The following OASL variants were observed in gnomAD, a reference collection of about 807,000 sequenced individuals.
OASL encodes 2'-5'-oligoadenylate synthase-like protein.
A neutral mutation model predicts 35.3 loss-of-function variants in OASL; 28 were observed. That is an observed-to-expected ratio of 0.79 (90% CI 0.59 to 1.09). OASL has a LOEUF of 1.09. Ranked by LOEUF, OASL falls within the 50% of genes least tolerant of loss-of-function variation. The pLI, the probability that OASL is intolerant of heterozygous loss-of-function variation, is 0.00. For missense variants in OASL, 620 were observed against 635.2 expected (o/e 0.98, Z 0.26); for synonymous variants, 252 against 254.6 (o/e 0.99, Z 0.10).
At chr12:121,033,531 G>T (rs1869827398) in exon 2 of OASL, 2 of 1,614,068 alleles carry the variant, frequency 1.2e-6, no homozygotes, top group Non-Finnish European at 8.5e-7. Flanking sequence ...GGATGGTGAA[G>T]ACGAGAGCAT....
At chr12:121,021,208 G>C in intron 5 of OASL, 150 bp from the exon 6 acceptor site, 1 of 727,508 alleles carries the variant, frequency 1.4e-6, no homozygotes, top group Non-Finnish European at 2.2e-6. Flanking sequence ...TTTCCAGGCT[G>C]TATGCTGAGC....
intron 5 of OASL, among the ~76,000 whole-genome samples, chr12:121,022,954 A>T (rs1232363555): frequency 3.9e-5 from 6 of 152,106 alleles, no homozygotes; most frequent in African/African-American, 1.4e-4. Flanking sequence ...CAATAATAGT[A>T]ATGATGATAA....
At chr12:121,032,995 G>A (rs1869801768) in intron 2 of OASL, among the ~76,000 whole-genome samples, 1 of 151,974 alleles carries the variant, frequency 6.6e-6, no homozygotes, top group Non-Finnish European at 1.5e-5. Flanking sequence ...GCGCGATCTT[G>A]ACTCACTGCA....
chr12:121,025,854 C>T (rs1869461671), intron 4 of OASL, among the ~76,000 whole-genome samples: 1 of 152,006 alleles, frequency 6.6e-6, no homozygotes, highest in Non-Finnish European at 1.5e-5. Context: ...TCTGTGTAAT[C>T]GAATGTGACA....
intron 1 of OASL, among the ~76,000 whole-genome samples, chr12:121,034,863 AC>A (rs1490689290): frequency 6.6e-6 from 1 of 152,172 alleles, no homozygotes; most frequent in Non-Finnish European, 1.5e-5. Context: ...GCTGACTTAG[AC>A]AATCTCTTCT....
chr12:121,037,702 G>A lies in OASL; in HGVS notation c.198+1072C>T, dbSNP rs188947694. On this transcript the variant is annotated intron_variant, in intron 1 of 5. Coordinates refer to ENST00000257570, the Ensembl canonical transcript of OASL. ...CAGGGGAATTGCTTGAACCTGGGAG[G>A]CAGAGGTTGCAGTGAGCTGAGATCG... Among the ~76,000 whole-genome samples, 254 of 151,980 alleles carry A rather than the reference G, an allele frequency of 1.7e-3. 2 individuals are homozygous for A. The highest frequency in any genetic ancestry group is 5.8e-3 in the African/African-American group (242 of 41,432).
At chr12:121,038,223 C>A (rs953734361) in intron 1 of OASL, among the ~76,000 whole-genome samples, 2 of 152,146 alleles carry the variant, frequency 1.3e-5, no homozygotes, top group African/African-American at 4.8e-5. Flanking sequence ...ATCTAAGCCA[C>A]GTTAAAGTAA....
At chr12:121,035,025 G>A (rs893820207) in intron 1 of OASL, among the ~76,000 whole-genome samples, 13 of 144,110 alleles carry the variant, frequency 9.0e-5, no homozygotes, top group African/African-American at 3.8e-4. Flanking sequence ...TTCTCATTCT[G>A]TGTTGGGAGG....
chr12:121,027,601 C>G, exon 4 of OASL: 1 of 1,614,200 alleles, frequency 6.2e-7, no homozygotes, highest in Non-Finnish European at 8.5e-7. Flanking sequence ...TGTTTTCTGA[C>G]ACAATCCTCA....
intron 4 of OASL, among the ~76,000 whole-genome samples, chr12:121,026,013 T>C (rs1471610797): frequency 2.0e-5 from 3 of 152,124 alleles, no homozygotes; most frequent in Non-Finnish European, 4.4e-5. Context: ...GGCTGGCAGG[T>C]GACCCAACAC....
chr12:121,024,542 C>T (rs1301786042), intron 4 of OASL, among the ~76,000 whole-genome samples: 1 of 152,012 alleles, frequency 6.6e-6, no homozygotes, highest in Non-Finnish European at 1.5e-5. Flanking sequence ...TGCTTGAACC[C>T]AGGAGGTGGA....
chr12:121,018,768 G>C (rs1869125481), downstream of OASL, among the ~76,000 whole-genome samples: 1 of 151,182 alleles, frequency 6.6e-6, no homozygotes. Context: ...TACTCGGGAG[G>C]CTGAGGCAGG....
At chr12:121,024,353 A>G (rs1377344170) in intron 4 of OASL, among the ~76,000 whole-genome samples, 1 of 152,206 alleles carries the variant, frequency 6.6e-6, no homozygotes, top group Non-Finnish European at 1.5e-5. Flanking sequence ...ACAGTGGCTC[A>G]CGCCTGTAAT....
chr12:121,027,842 A>T (rs779421765), intron 3 of OASL, 25 bp from the exon 4 acceptor site: 2 of 1,591,236 alleles, frequency 1.3e-6, no homozygotes, highest in Non-Finnish European at 1.7e-6. Flanking sequence ...GGGAAGACAG[A>T]GAGAGAGAGA....
At chr12:121,036,831 G>T (rs1489146767) in intron 1 of OASL, among the ~76,000 whole-genome samples, 1 of 152,122 alleles carries the variant, frequency 6.6e-6, no homozygotes, top group Non-Finnish European at 1.5e-5. Context: ...TGATGCTTCT[G>T]TTTCTGAGCA....
intron 2 of OASL, among the ~76,000 whole-genome samples, chr12:121,032,481 C>T (rs889936854): frequency 7.9e-5 from 12 of 152,082 alleles, no homozygotes; most frequent in Non-Finnish European, 1.6e-4. Flanking sequence ...CCAAAGCAGC[C>T]CCCAACCAGT....
At chr12:121,030,496 G>A (rs1212383957) in intron 3 of OASL, among the ~76,000 whole-genome samples, 2 of 152,198 alleles carry the variant, frequency 1.3e-5, no homozygotes, top group East Asian at 1.9e-4. Context: ...GAGCCATCAT[G>A]CCCAGCCTAT....
chr12:121,023,513 C>T (rs558759251), intron 5 of OASL, among the ~76,000 whole-genome samples: 2 of 152,038 alleles, frequency 1.3e-5, no homozygotes, highest in Non-Finnish European at 2.9e-5. Context: ...TGGTCTTGAA[C>T]TCCTGACCTC....
chr12:121,027,563 A>C lies in OASL; in HGVS notation c.899+13T>G, dbSNP rs755065198. 3 of 1,612,658 alleles carry C rather than the reference A, an allele frequency of 1.9e-6. No homozygotes were observed. In the East Asian group the frequency reaches 6.7e-5, roughly 36 times the overall value. On this transcript the variant is annotated intron_variant, in intron 4 of 5. Transcript: ENST00000257570. ...TTTCTGTAAGATTTGGTGGGCAAAC[A>C]GTGGTCCAGTACCTCTCTTTTTTGA...
Sources: gnomAD v4.1 joint callset for allele counts (sites outside exome capture counted in the v4.1 genomes callset) on GRCh38, gnomAD v4.1.1 for gene constraint, MANE v1.5 for transcripts, NCBI Gene and HGNC (gene_info 2026-07-23, HGNC 2026-07-21) for gene names.